Variants in ZNF696 observed in about 807,000 individuals in gnomAD.
ZNF696 encodes zinc finger protein 696.
A neutral mutation model predicts 12.3 loss-of-function variants in ZNF696; 10 were observed. The ratio of observed to expected loss-of-function variants is 0.81; its 90% CI spans 0.50 to 1.38. The LOEUF (loss-of-function observed/expected upper bound fraction) is 1.38, where lower values mean the gene tolerates loss of function less well. Among genes scored for constraint, ZNF696 ranks in the 40% most tolerant of loss-of-function variants. ZNF696 has a pLI of 0.00. For synonymous variants in ZNF696, 304 were observed against 243.9 expected (o/e 1.25, Z -2.29); for missense variants, 675 against 554.7 (o/e 1.22, Z -2.18).
rs1468891210 is a variant in ZNF696 at position 143,297,371 on chromosome 8, CG to C, written c.*574del. The C allele has an allele frequency of 6.6e-6, 1 of 152,328 alleles. No individual in the cohort carries two copies. The highest frequency in any genetic ancestry group is 1.5e-5 in the Non-Finnish European group (1 of 68,138). The allele number at this position is 152,328 out of a possible 1,614,324, so 9.4% of individuals were successfully genotyped here. A position where few individuals can be genotyped will look rare whatever the true frequency, so the allele number is the denominator to read the frequency against. ...TGCTTAGAAAATTATGGAACTTGGC[CG>C]GGTGCGGTGGCTCCCGCCTGTAATC... On this transcript the variant is annotated 3_prime_UTR_variant, in exon 3 of 3. Transcript: ENST00000330143.
Position 143,296,025 on chromosome 8 carries a change from G to C in ZNF696, c.350G>C (p.Gly117Ala). The change falls in exon 3 of 3, where the codon GGG (glycine) becomes GCG (alanine). Residue 117 changes from glycine (G) to alanine (A), a missense_variant. Transcript: ENST00000330143. ...PPNAGPGAEG[G>A]GSWKGRPFPC... ...AACGCAGGCCCCGGCGCAGAGGGCG[G>C]GGGCAGCTGGAAGGGGCGGCCTTTC... is the stretch of plus-strand genomic sequence containing the variant. The C allele has an allele frequency of 6.3e-7, 1 of 1,595,192 alleles. No individual in the cohort carries two copies.
In ZNF696 at chr8:143,296,065, T is replaced by C; in HGVS notation, c.390T>C (p.Cys130=). The C allele has an allele frequency of 6.3e-7, 1 of 1,595,028 alleles. No homozygotes were observed. Among genetic ancestry groups the C allele is most frequent in the Non-Finnish European group, 8.5e-7 (1 of 1,170,018 alleles). ...GGCGGCCTTTCCCGTGCGGCGCCTG[T>C]GGCCGCAGCTTCAAGTGCTCCTCGG... ...WKGRPFPCGA[C]GRSFKCSSDA... Residue 130 remains cysteine, a synonymous_variant, in exon 3 of 3, where the codon TGT becomes TGC. Coordinates refer to ENST00000330143, the MANE Select transcript of ZNF696 (RefSeq NM_030895.3).
intron 2 of ZNF696, 62 bp from the exon 3 acceptor site, chr8:143,295,678 G>A: frequency 6.8e-7 from 1 of 1,464,938 alleles, no homozygotes. Context: ...ACGATTGCCA[G>A]AGCCACCCTC....
intron 2 of ZNF696, among the ~76,000 whole-genome samples, chr8:143,293,632 G>A (rs1009138867): frequency 1.3e-5 from 2 of 152,220 alleles, no homozygotes; most frequent in African/African-American, 2.4e-5. Flanking sequence ...TGCCTCCATC[G>A]GAAAGGCGTC....
intron 2 of ZNF696, chr8:143,295,330 G>A (rs980143747): frequency 1.7e-5 from 8 of 461,670 alleles, no homozygotes; most frequent in East Asian, 1.4e-4. Context: ...TTCTAGCCCC[G>A]TTTAGCCTCG....
At chr8:143,292,447 T>TG (rs1230358217) in intron 1 of ZNF696, among the ~76,000 whole-genome samples, 1 of 151,950 alleles carries the variant, frequency 6.6e-6, no homozygotes, top group Non-Finnish European at 1.5e-5. Flanking sequence ...TTGGTTTTTT[T>TG]TTTTTACATT....
chr8:143,295,764 A>G lies in ZNF696; in HGVS notation c.89A>G (p.Gln30Arg). 6.2e-7 allele frequency: 1 copy of G among 1,601,690 alleles called. No individual in the cohort carries two copies. Among genetic ancestry groups the G allele is most frequent in the East Asian group, 2.2e-5 (1 of 44,586 alleles). The change falls in exon 3 of 3, where the codon CAG becomes CGG. Residue 30 changes from glutamine (Q) to arginine (R), a missense_variant. Gln to Arg is a conservative substitution (Grantham distance 43). Transcript: ENST00000330143. ...LAAVKAAFLA[Q>R]APSGSRSAEV... ...GCTGTGAAGGCTGCTTTCCTGGCGC[A>G]GGCCCCGAGTGGCAGCCGGTCAGCC...
In ZNF696 at chr8:143,296,559, G is replaced by A. The variant is rs1280252058; in HGVS notation, c.884G>A (p.Cys295Tyr). The change falls in exon 3 of 3, where the codon TGC becomes TAC. Residue 295 changes from cysteine (C) to tyrosine (Y), a missense_variant. Coordinates refer to ENST00000330143, the MANE Select transcript of ZNF696 (RefSeq NM_030895.3). ...CACACGGGGGAGCGGCCCTTCGCCT[G>A]CCAGGACTGCGGCCGCGCCTTCAGC... The part of the protein sequence containing the change: ...RVHTGERPFA[C>Y]QDCGRAFSRS... 1.3e-6 allele frequency: 2 copies of A among 1,599,186 alleles called. No homozygotes were observed. The highest frequency in any genetic ancestry group is 8.5e-7 in the Non-Finnish European group (1 of 1,177,056).
intron 2 of ZNF696, 59 bp from the exon 3 acceptor site, chr8:143,295,681 C>T (rs1815695856): frequency 6.8e-7 from 1 of 1,464,742 alleles, no homozygotes. Flanking sequence ...ATTGCCAGAG[C>T]CACCCTCGAC....
rs1352379133 is a variant in ZNF696 at position 143,296,017 on chromosome 8, A to G, written c.342A>G (p.Ala114=). 1.3e-6 allele frequency: 2 copies of G among 1,595,994 alleles called. No homozygotes were observed. Residue 114 remains alanine (A), a synonymous_variant, in exon 3 of 3, where the codon GCA becomes GCG. Transcript: ENST00000330143. ...SDVPPNAGPG[A]EGGGSWKGRP... is the part of the protein sequence containing the mutation. The stretch of plus-strand genomic sequence containing the variant: ...TCCCTCCGAACGCAGGCCCCGGCGC[A>G]GAGGGCGGGGGCAGCTGGAAGGGGC...
intron 1 of ZNF696, 41 bp from the exon 2 acceptor site, chr8:143,292,931 C>T: frequency 6.4e-7 from 1 of 1,557,364 alleles, no homozygotes; most frequent in Non-Finnish European, 8.7e-7. Context: ...CTGTACCTAG[C>T]CCTGGCTGTG....
Position 143,291,466 on chromosome 8 carries a change from T to G in ZNF696, c.-332T>G, listed in dbSNP as rs1158868405. ...TGGACGCTGAGGCCCCGGCTTCTCTTGCTGGGGTGTCGATTCGGGAGGGCT... is the reference window on the plus strand; with the variant it reads ...TGGACGCTGAGGCCCCGGCTTCTCTGGCTGGGGTGTCGATTCGGGAGGGCT... On this transcript the variant is annotated 5_prime_UTR_variant, in exon 1 of 3. Coordinates refer to ENST00000330143, the MANE Select transcript of ZNF696 (RefSeq NM_030895.3). The G allele has an allele frequency of 1.0e-6, 1 of 985,358 alleles. No homozygotes were observed. The highest frequency in any genetic ancestry group is 1.7e-5 in the African/African-American group (1 of 57,242). 61.0% of individuals were successfully genotyped at this position (985,358 alleles called of 1,614,324 possible).
chr8:143,295,274 T>C, intron 2 of ZNF696: 1 of 451,036 alleles, frequency 2.2e-6, no homozygotes, highest in Non-Finnish European at 4.4e-6. Context: ...TTCTGTCCCC[T>C]CCCCTCCCAG....
At position 143,297,069 on chromosome 8, in the gene ZNF696, C is replaced by T. The variant is rs114486673; in HGVS notation, c.*269C>T. Reference sequence around the variant, plus strand: ...GGTCTGTCCCGGGCCGGCCGCCCGCCTCTGAGACTCCCCGCCTCCCACGGT... The same window carrying T: ...GGTCTGTCCCGGGCCGGCCGCCCGCTTCTGAGACTCCCCGCCTCCCACGGT... On this transcript the variant is annotated 3_prime_UTR_variant, in exon 3 of 3. Transcript: ENST00000330143. 0.02 allele frequency: 7,412 copies of T among 366,304 alleles called. 481 individuals carry two copies. The highest frequency in any genetic ancestry group is 0.14 in the African/African-American group (6,588 of 47,402). The allele number at this position is 366,304 out of a possible 1,614,324, so 22.7% of individuals were successfully genotyped here.
chr8:143,293,619 G>C (rs1049242704), intron 2 of ZNF696, among the ~76,000 whole-genome samples: 19 of 152,376 alleles, frequency 1.2e-4, no homozygotes, highest in Non-Finnish European at 2.2e-4. Flanking sequence ...TGAGGTCTGG[G>C]ATTGCCTCCA....
In ZNF696 at chr8:143,292,968, G is replaced by C. The variant is rs1348071288; in HGVS notation, c.-30-4G>C. 3 of 1,611,856 alleles carry C rather than the reference G, an allele frequency of 1.9e-6. No homozygotes were observed. Among genetic ancestry groups the C allele is most frequent in the Non-Finnish European group, 2.5e-6 (3 of 1,179,212 alleles). On this transcript the variant is annotated splice_region_variant and splice_polypyrimidine_tract_variant and intron_variant, in intron 1 of 2. Transcript: ENST00000330143. Reference sequence around the variant, plus strand: ...TTTATTTTCCTTTTCTTTTACCTAAGCAGAAATTGTTCCAACTGCTGGTGT... The same window carrying C: ...TTTATTTTCCTTTTCTTTTACCTAACCAGAAATTGTTCCAACTGCTGGTGT...
chr8:143,293,199 G>A, intron 2 of ZNF696, 134 bp downstream of exon 2: 1 of 699,774 alleles, frequency 1.4e-6, no homozygotes, highest in Non-Finnish European at 2.5e-6. Flanking sequence ...AGGGAGGGAG[G>A]TAAACGCAGG....
rs769023201 is a variant in ZNF696, at chr8:143,295,998, C to T, written c.323C>T (p.Pro108Leu). The change falls in exon 3 of 3, where the codon CCG becomes CTG. Residue 108 changes from proline (P) to leucine (L), a missense_variant. By Grantham distance (98) the Pro-to-Leu change is moderately conservative. Coordinates refer to ENST00000330143, the MANE Select transcript of ZNF696 (RefSeq NM_030895.3). ...AGTGGCCTCGAGTCAGACGTCCCTC[C>T]GAACGCAGGCCCCGGCGCAGAGGGC... ...GQSGLESDVP[P>L]NAGPGAEGGG... 10 of 1,593,038 alleles carry T rather than the reference C, an allele frequency of 6.3e-6. No individual in the cohort carries two copies. The South Asian group carries it at 7.9e-5, about 13-fold the overall frequency.
Position 143,291,497 on chromosome 8 carries a change from C to T in ZNF696, c.-301C>T, listed in dbSNP as rs1815623506. Reference sequence around the variant, plus strand: ...GGTGTCGATTCGGGAGGGCTGAGGGCGCGGCCGAGAGAACGGGGCGGTCAC... The same window carrying T: ...GGTGTCGATTCGGGAGGGCTGAGGGTGCGGCCGAGAGAACGGGGCGGTCAC... On this transcript the variant is annotated 5_prime_UTR_variant, in exon 1 of 3. Coordinates refer to ENST00000330143, the MANE Select transcript of ZNF696 (RefSeq NM_030895.3). 3 of 985,436 alleles carry T rather than the reference C, an allele frequency of 3.0e-6. No individual in the cohort carries two copies. The highest frequency in any genetic ancestry group is 2.4e-6 in the Non-Finnish European group (2 of 829,930). 61.0% of individuals were successfully genotyped at this position (985,436 alleles called of 1,614,324 possible).
Sources: allele counts gnomAD v4.1 joint callset (sites outside exome capture counted in the v4.1 genomes callset), GRCh38; gene constraint gnomAD v4.1.1; transcripts MANE v1.5; gene names NCBI Gene and HGNC (gene_info 2026-07-23, HGNC 2026-07-21).